SYNPR: variants seen among roughly 807,000 people sequenced by gnomAD.
SYNPR encodes the protein synaptoporin.
In SYNPR, 23 loss-of-function variants were observed where a neutral mutation model predicts 32.9. The ratio of observed to expected loss-of-function variants is 0.70; its 90% CI spans 0.50 to 0.99. The LOEUF (loss-of-function observed/expected upper bound fraction) is 0.99, where lower values mean the gene tolerates loss of function less well. Ranked by LOEUF, SYNPR falls within the 50% of genes least tolerant of loss-of-function variation. The pLI, the probability that SYNPR is intolerant of heterozygous loss-of-function variation, is 0.00. For missense variants in SYNPR, 318 were observed against 349.3 expected (o/e 0.91, Z 0.71); for synonymous variants, 146 against 135.9 (o/e 1.07, Z -0.52).
intron 1 of SYNPR, among the ~76,000 whole-genome samples, chr3:63,242,064 AG>A (rs1194391726): frequency 2.0e-5 from 3 of 152,126 alleles, no homozygotes; most frequent in Non-Finnish European, 2.9e-5. Flanking sequence ...GATTAATATG[AG>A]GAATAAAAGC....
At position 63,296,913 on chromosome 3, in the gene SYNPR, A is replaced by G. The variant is rs569408544; in HGVS notation, c.84+18171A>G. 1.8e-4 allele frequency among the ~76,000 whole-genome samples: 28 copies of G among 152,322 alleles called. 1 individual carries two copies. The highest frequency in any genetic ancestry group is 6.0e-4 in the African/African-American group (25 of 41,574). ...TTCTATATCCTCACTGTTCAAAACC[A>G]TAGCCACTCACTACATATGGCTATA... On this transcript the variant is annotated intron_variant, in intron 2 of 5. Transcript: ENST00000478300.
intron 3 of SYNPR, among the ~76,000 whole-genome samples, chr3:63,484,617 C>T (rs184696523): frequency 1.2e-3 from 173 of 149,160 alleles, no homozygotes; most frequent in Non-Finnish European, 2.2e-3. Context: ...TGCAAGGGTA[C>T]AATGTGCCAA....
At chr3:63,231,493 G>A (rs2086166413) in intron 1 of SYNPR, among the ~76,000 whole-genome samples, 1 of 152,106 alleles carries the variant, frequency 6.6e-6, no homozygotes, top group Non-Finnish European at 1.5e-5. Context: ...GTTTAAAAAG[G>A]GGGAAATATT....
intron 2 of SYNPR, among the ~76,000 whole-genome samples, chr3:63,375,749 C>T (rs551662450): frequency 6.6e-6 from 1 of 151,990 alleles, no homozygotes; most frequent in East Asian, 1.9e-4. Flanking sequence ...AGTATAGTGA[C>T]TTTATTTACT....
At chr3:63,230,968 C>T (rs1185938063) in intron 1 of SYNPR, among the ~76,000 whole-genome samples, 1 of 152,004 alleles carries the variant, frequency 6.6e-6, no homozygotes, top group Non-Finnish European at 1.5e-5. Flanking sequence ...CTCATAGTTT[C>T]CCCTTAAAAA....
chr3:63,496,954 G>T (rs73831862), intron 3 of SYNPR, among the ~76,000 whole-genome samples: 5,441 of 152,098 alleles, frequency 0.036, 135 homozygotes, highest in African/African-American at 0.06. Context: ...TTTTTATGGA[G>T]CTTCATCCTT....
At chr3:63,362,451 C>T (rs1045362317) in intron 2 of SYNPR, among the ~76,000 whole-genome samples, 1 of 151,880 alleles carries the variant, frequency 6.6e-6, no homozygotes, top group African/African-American at 2.4e-5. Flanking sequence ...ATAAATAGTA[C>T]AATAATCTCT....
At chr3:63,479,914 T>A (rs1386193588) in intron 2 of SYNPR, among the ~76,000 whole-genome samples, 1 of 152,176 alleles carries the variant, frequency 6.6e-6, no homozygotes, top group African/African-American at 2.4e-5. Flanking sequence ...CCCCAAACTA[T>A]TGTAAGAAGC....
chr3:63,361,111 A>C (rs996673576), intron 2 of SYNPR, among the ~76,000 whole-genome samples: 3 of 152,170 alleles, frequency 2.0e-5, no homozygotes, highest in African/African-American at 7.2e-5. Flanking sequence ...AGTGATTTGG[A>C]AATATCCAGG....
chr3:63,219,332 G>C, the SYNPR span, among the ~76,000 whole-genome samples: 11 of 152,342 alleles, frequency 7.2e-5, no homozygotes, highest in South Asian at 2.3e-3. Context: ...AGAGTACAGA[G>C]GAGGCGGAGG....
chr3:63,389,118 T>C (rs540662540), intron 2 of SYNPR, among the ~76,000 whole-genome samples: 3 of 152,324 alleles, frequency 2.0e-5, no homozygotes, highest in African/African-American at 4.8e-5. Flanking sequence ...TGTGCTTTAA[T>C]GAGCCTGCTC....
At chr3:63,316,679 G>T (rs1028645093) in intron 2 of SYNPR, among the ~76,000 whole-genome samples, 2 of 151,748 alleles carry the variant, frequency 1.3e-5, no homozygotes, top group Non-Finnish European at 2.9e-5. Context: ...TCTTTTCAAA[G>T]AACTAGTTTT....
intron 2 of SYNPR, among the ~76,000 whole-genome samples, chr3:63,424,832 A>T (rs2107136265): frequency 6.6e-6 from 1 of 152,336 alleles, no homozygotes; most frequent in South Asian, 2.1e-4. Context: ...AGACCAAAAT[A>T]TCTTCATTAC....
chr3:63,368,045 C>T (rs555072262), intron 2 of SYNPR, among the ~76,000 whole-genome samples: 4 of 152,134 alleles, frequency 2.6e-5, no homozygotes, highest in Non-Finnish European at 5.9e-5. Flanking sequence ...TATTGAGAAA[C>T]GAGACATTGA....
chr3:63,468,446 G>T (rs913185639), intron 2 of SYNPR, among the ~76,000 whole-genome samples: 1 of 151,450 alleles, frequency 6.6e-6, no homozygotes, highest in Non-Finnish European at 1.5e-5. Context: ...TATACTTGTG[G>T]CCTGTAGCTG....
intron 4 of SYNPR, among the ~76,000 whole-genome samples, chr3:63,585,455 C>CCG (rs10687893): frequency 0.27 from 37,002 of 138,180 alleles, 4,986 homozygotes; most frequent in South Asian, 0.45. Context: ...CCATGCCCCC[C>CCG]CCCTCCGCCC....
intron 1 of SYNPR, among the ~76,000 whole-genome samples, chr3:63,241,328 C>A (rs1382337782): frequency 1.3e-5 from 2 of 152,154 alleles, no homozygotes; most frequent in African/African-American, 4.8e-5. Flanking sequence ...GCTATTTCCT[C>A]TTTACCAAGG....
At chr3:63,509,942 C>T (rs995865360) in intron 3 of SYNPR, among the ~76,000 whole-genome samples, 2 of 149,534 alleles carry the variant, frequency 1.3e-5, no homozygotes, top group African/African-American at 2.4e-5. Context: ...TCTCCTTCCC[C>T]TCCTTTCTTT....
chr3:63,449,783 G>C (rs1444445764), intron 2 of SYNPR, among the ~76,000 whole-genome samples: 2 of 152,096 alleles, frequency 1.3e-5, no homozygotes, highest in African/African-American at 4.8e-5. Flanking sequence ...CCTTACCTTT[G>C]CATAACACTT....
Sources: gnomAD v4.1 joint callset for allele counts (sites outside exome capture counted in the v4.1 genomes callset) on GRCh38, gnomAD v4.1.1 for gene constraint, MANE v1.5 for transcripts, NCBI Gene and HGNC (gene_info 2026-07-23, HGNC 2026-07-21) for gene names.